SPATA22: variants seen among roughly 807,000 people sequenced by gnomAD.
SPATA22 encodes the protein spermatogenesis-associated protein 22.
In SPATA22, 29 loss-of-function variants were observed where a neutral mutation model predicts 47.8. That is an observed-to-expected ratio of 0.61 (90% CI 0.45 to 0.83). The LOEUF is 0.83. Among genes scored for constraint, SPATA22 ranks in the 40% least tolerant of loss-of-function variants. SPATA22 has a pLI of 0.00. For synonymous variants in SPATA22, 133 were observed against 140.9 expected (o/e 0.94, Z 0.40); for missense variants, 410 against 421.7 (o/e 0.97, Z 0.24).
At chr17:3,510,201 T>A (rs2074094145) in intron 1 of SPATA22, among the ~76,000 whole-genome samples, 1 of 152,216 alleles carries the variant, frequency 6.6e-6, no homozygotes, top group African/African-American at 2.4e-5. Context: ...CCACTGACAT[T>A]ATGTGGCTGT....
chr17:3,502,000 A>G (rs1464046136), intron 1 of SPATA22: 2 of 152,160 alleles, frequency 1.3e-5, no homozygotes, highest in Non-Finnish European at 2.9e-5. Context: ...ATAAAATGTT[A>G]TTAAACAGCA....
intron 1 of SPATA22, among the ~76,000 whole-genome samples, chr17:3,497,594 G>A (rs2073930305): frequency 6.6e-6 from 1 of 152,112 alleles, no homozygotes; most frequent in African/African-American, 2.4e-5. Context: ...TCTGAAATGG[G>A]CCAGCCCCTC....
At chr17:3,460,187 C>T (rs1177327495) in intron 5 of SPATA22, among the ~76,000 whole-genome samples, 1 of 152,006 alleles carries the variant, frequency 6.6e-6, no homozygotes, top group Non-Finnish European at 1.5e-5. Context: ...TGTGTTTTAT[C>T]CACAATATAT....
At position 3,467,547 on chromosome 17, in the gene SPATA22, C is replaced by A. The variant is rs80115425; in HGVS notation, c.51G>T (p.Leu17Phe). 6.2e-7 allele frequency: 1 copy of A among 1,603,990 alleles called. No homozygotes were observed. The highest frequency in any genetic ancestry group is 8.5e-7 in the Non-Finnish European group (1 of 1,175,712). The change falls in exon 3 of 9, where the codon TTG becomes TTT. Residue 17 changes from leucine (L) to phenylalanine (F), a missense_variant. Leu to Phe is a conservative substitution (Grantham distance 22). Transcript: ENST00000572969. ...TTTTCTGATTGAACAACGGAACAGG[C>A]AAACAGCCTAAATTGAATGTACCAA... ...ENSARSTAGC[L>F]PVPLFNQKKR...
intron 7 of SPATA22, among the ~76,000 whole-genome samples, chr17:3,445,400 T>C (rs2072705356): frequency 6.6e-6 from 1 of 152,028 alleles, no homozygotes; most frequent in South Asian, 2.1e-4. Context: ...ATCCCTGAAG[T>C]ATATGGGAGT....
At chr17:3,508,001 A>G (rs1302977092) in intron 1 of SPATA22, among the ~76,000 whole-genome samples, 2 of 152,198 alleles carry the variant, frequency 1.3e-5, no homozygotes, top group African/African-American at 2.4e-5. Flanking sequence ...AATCACGTAC[A>G]ATCCCTGTCT....
chr17:3,497,962 G>A (rs181467246), intron 1 of SPATA22, among the ~76,000 whole-genome samples: 1 of 152,216 alleles, frequency 6.6e-6, no homozygotes, highest in East Asian at 1.9e-4. Context: ...CAGCCATGGT[G>A]CTTGAGGGCT....
intron 1 of SPATA22, among the ~76,000 whole-genome samples, chr17:3,507,605 A>G (rs773702307): frequency 2.0e-5 from 3 of 152,210 alleles, no homozygotes; most frequent in Non-Finnish European, 2.9e-5. Context: ...AACTTCAGAG[A>G]ACCTGGATCC....
chr17:3,463,935 C>CTCTCCCTCTCCCTCTCCCCACGG, intron 3 of SPATA22, among the ~76,000 whole-genome samples: 1 of 78,808 alleles, frequency 1.3e-5, no homozygotes, highest in Non-Finnish European at 2.7e-5. Flanking sequence ...CTCCCTCTCC[C>CTCTCCCTCTCCCTCTCCCCACGG]TCTCCCTCTC....
At chr17:3,476,981 C>G (rs1230574590) in intron 1 of SPATA22, among the ~76,000 whole-genome samples, 1 of 152,086 alleles carries the variant, frequency 6.6e-6, no homozygotes, top group Non-Finnish European at 1.5e-5. Context: ...CAGTGAAACC[C>G]CATCTCTACT....
intron 6 of SPATA22, among the ~76,000 whole-genome samples, chr17:3,446,835 T>A (rs1361794101): frequency 6.6e-6 from 1 of 152,114 alleles, no homozygotes; most frequent in Non-Finnish European, 1.5e-5. Flanking sequence ...ATATAGGTAT[T>A]CATTCACTCA....
At position 3,440,298 on chromosome 17, in the gene SPATA22, C is replaced by G. The variant is rs769778047; in HGVS notation, c.941G>C (p.Arg314Thr). 1.9e-6 allele frequency: 3 copies of G among 1,602,334 alleles called. No homozygotes were observed. Among genetic ancestry groups the G allele is most frequent in the African/African-American group, 1.3e-5 (1 of 74,524 alleles). Residue 314 changes from arginine (R) to threonine (T), a missense_variant, in exon 9 of 9, where the codon AGA becomes ACA. By Grantham distance (71) the Arg-to-Thr change is moderately conservative. Coordinates refer to ENST00000572969, the MANE Select transcript of SPATA22 (RefSeq NM_001170698.2). Reference protein sequence around the residue: ...LPRLIRGRVHRCVGNYDQKKN... With the variant: ...LPRLIRGRVHTCVGNYDQKKN... ...TTTCTGGTCATAGTTGCCAACACAT[C>G]TATGAACTCGGCCTCTAATCAGTCT... is the stretch of plus-strand genomic sequence containing the variant.
intron 1 of SPATA22, among the ~76,000 whole-genome samples, chr17:3,507,036 G>A (rs750464820): frequency 9.2e-5 from 14 of 151,880 alleles, no homozygotes; most frequent in Non-Finnish European, 1.6e-4. Flanking sequence ...GTGGGGAGGC[G>A]AAGGCAACCA....
At position 3,471,384 on chromosome 17, in the gene SPATA22, T is replaced by A. The variant is rs376775846; in HGVS notation, c.-74+298A>T. 1.3e-5 allele frequency: 13 copies of A among 975,130 alleles called. No homozygotes were observed. The African/African-American group carries it at 2.1e-4, about 16-fold the overall frequency. 60.4% of individuals were successfully genotyped at this position (975,130 alleles called of 1,614,324 possible). ...AACAACAAAATTTTTAAGTGTAACA[T>A]TCCACCCGCGGGACCATTGATCCTG... On this transcript the variant is annotated intron_variant, in intron 1 of 8. Coordinates refer to ENST00000572969, the MANE Select transcript of SPATA22 (RefSeq NM_001170698.2).
At position 3,462,684 on chromosome 17, in the gene SPATA22, A is replaced by G. The variant is rs184501400; in HGVS notation, c.233+23T>C. 1.2e-4 allele frequency: 188 copies of G among 1,601,996 alleles called. No individual in the cohort carries two copies. In the African/African-American group the frequency reaches 1.4e-3, roughly 12 times the overall value. On this transcript the variant is annotated intron_variant, in intron 4 of 8. Coordinates refer to ENST00000572969, the MANE Select transcript of SPATA22 (RefSeq NM_001170698.2). ...TCAGTTAGTAACAGACACACATCCA[A>G]TGGTTTATATTTCTCCACATACCCG...
chr17:3,476,051 G>T, upstream of SPATA22: 2 of 1,003,976 alleles, frequency 2.0e-6, no homozygotes, highest in Non-Finnish European at 3.0e-6. Flanking sequence ...TCTGTACTTT[G>T]CCCTTTGGGT....
At chr17:3,471,146 C>T (rs574535071) in intron 1 of SPATA22, among the ~76,000 whole-genome samples, 1 of 149,934 alleles carries the variant, frequency 6.7e-6, no homozygotes, top group South Asian at 2.1e-4. Context: ...CAGAGCGAGA[C>T]TCTAGGGAAA....
chr17:3,457,838 CT>C (rs1428981697), intron 5 of SPATA22, among the ~76,000 whole-genome samples: 1 of 152,148 alleles, frequency 6.6e-6, no homozygotes, highest in East Asian at 1.9e-4. Flanking sequence ...GGATTAAAGA[CT>C]TAAATGTAAG....
chr17:3,463,853 C>T lies in SPATA22; in HGVS notation c.173-1086G>A, dbSNP rs556256330. Among the ~76,000 whole-genome samples the T allele has an allele frequency of 7.9e-5, 12 of 151,652 alleles. No homozygotes were observed. The South Asian group carries it at 2.1e-3, about 26-fold the overall frequency. The stretch of plus-strand genomic sequence containing the variant: ...CTCTTCTATTTCTTTTTTCAAAGAT[C>T]GATTATACCTCAGACTGATTAATGG... On this transcript the variant is annotated intron_variant, in intron 3 of 8. Coordinates refer to ENST00000572969, the MANE Select transcript of SPATA22 (RefSeq NM_001170698.2).
Sources: allele counts gnomAD v4.1 joint callset (sites outside exome capture counted in the v4.1 genomes callset), GRCh38; gene constraint gnomAD v4.1.1; transcripts MANE v1.5; gene names NCBI Gene and HGNC (gene_info 2026-07-23, HGNC 2026-07-21).